The following ITGAD variants were observed in gnomAD, a reference collection of about 807,000 sequenced individuals.
ITGAD encodes integrin alpha-D.
A neutral mutation model predicts 139.0 loss-of-function variants in ITGAD; 105 were observed. The observed-to-expected ratio is 0.76, with a 90% CI of 0.65 to 0.89. The LOEUF is 0.89. Ranked by LOEUF, ITGAD falls within the 40% of genes least tolerant of loss-of-function variation. The pLI is 0.00. For synonymous variants in ITGAD, 569 were observed against 598.3 expected, an observed-to-expected ratio of 0.95 and a Z score of 0.71; for missense variants, 1,384 against 1,487.3, an observed-to-expected ratio of 0.93 and a Z score of 1.14.
chr16:31,415,024 T>A, intron 18 of ITGAD, 33 bp downstream of exon 18: 1 of 1,612,150 alleles, frequency 6.2e-7, no homozygotes, highest in East Asian at 2.2e-5. Flanking sequence ...AGGGATGTGC[T>A]GACTTCATTT....
intron 6 of ITGAD, 35 bp downstream of exon 6, chr16:31,402,280 G>A (rs2081426942): frequency 2.2e-6 from 3 of 1,367,210 alleles, no homozygotes; most frequent in Non-Finnish European, 3.1e-6. Flanking sequence ...GGGTTTGGGG[G>A]ACGGGGGAGG....
At chr16:31,401,297 A>G (rs562528428) in intron 5 of ITGAD, among the ~76,000 whole-genome samples, 2 of 152,290 alleles carry the variant, frequency 1.3e-5, no homozygotes, top group South Asian at 4.1e-4. Flanking sequence ...GCCTCAGCCA[A>G]TGCCTGGGGG....
rs757983809 is a variant in ITGAD, at chr16:31,402,167, C to T, written c.480C>T (p.Ser160=). The T allele has an allele frequency of 1.1e-5, 17 of 1,609,444 alleles. No individual in the cohort carries two copies. Among genetic ancestry groups the T allele is most frequent in the Non-Finnish European group, 1.4e-5 (17 of 1,176,836 alleles). ...TCTTCCTGATTGACGGCTCTGGAAG[C>T]ATTGACCAAAATGACTTTAACCAGA... ...DIVFLIDGSG[S]IDQNDFNQMK... Residue 160 remains serine, a synonymous_variant, in exon 6 of 30, where the codon AGC becomes AGT. Transcript: ENST00000389202.
rs756498567 is a variant in ITGAD at position 31,423,609 on chromosome 16, T to C, written c.3006T>C (p.His1002=). Residue 1002 remains histidine (H), a synonymous_variant, in exon 26 of 30, where the codon CAT becomes CAC. Transcript: ENST00000389202. The part of the protein sequence containing the change: ...PCVSERKPPQ[H]SDFLTQISRS... ...TTTCAGAGAGAAAACCTCCCCAGCA[T>C]TCTGACTTCCTGACCCAGATTTCAA... 2 of 1,614,154 alleles carry C rather than the reference T, an allele frequency of 1.2e-6. No individual in the cohort carries two copies. The highest frequency in any genetic ancestry group is 2.2e-5 in the South Asian group (2 of 91,088).
intron 20 of ITGAD, among the ~76,000 whole-genome samples, chr16:31,417,209 A>AATAT (rs1293300098): frequency 1.3e-5 from 1 of 78,576 alleles, no homozygotes; most frequent in Non-Finnish European, 2.8e-5. Flanking sequence ...ACGCCCAGCT[A>AATAT]ATATTTATTT....
At chr16:31,414,238 A>G (rs374248082) in intron 16 of ITGAD, among the ~76,000 whole-genome samples, 41 of 99,588 alleles carry the variant, frequency 4.1e-4, no homozygotes, top group African/African-American at 1.6e-3. Flanking sequence ...CTATTTATCT[A>G]TTATCTAGCC....
At position 31,409,342 on chromosome 16, in the gene ITGAD, A is replaced by AC. The variant is rs749174872; in HGVS notation, c.1083+844_1083+845insC. On this transcript the variant is annotated intron_variant, in intron 10 of 29. Transcript: ENST00000389202. ...CAAAAACAAAACAAAACAAAGCAAA[A>AC]AAAAACAAAAACAAACCCAGATGGG... Among the ~76,000 whole-genome samples the AC allele has an allele frequency of 3.4e-5, 5 of 146,720 alleles. No homozygotes were observed. In the East Asian group the frequency reaches 8.2e-4, roughly 24 times the overall value.
chr16:31,426,152 T>G lies in ITGAD; in HGVS notation c.*24T>G. On this transcript the variant is annotated 3_prime_UTR_variant, in exon 30 of 30. Coordinates refer to ENST00000389202, the MANE Select transcript of ITGAD (RefSeq NM_005353.3). ...AATAATCCACTTTCCTGTTTATCTC[T>G]ACCACTGTGGGCTGGACTTGCTTGC... The G allele has an allele frequency of 1.8e-5, 27 of 1,462,306 alleles. No homozygotes were observed. Among genetic ancestry groups the G allele is most frequent in the Non-Finnish European group, 2.5e-5 (26 of 1,044,668 alleles). 90.6% of individuals were successfully genotyped at this position (1,462,306 alleles called of 1,614,324 possible).
intron 2 of ITGAD, among the ~76,000 whole-genome samples, chr16:31,397,062 GTTTTTTTTTT>G (rs539015704): frequency 6.9e-5 from 7 of 100,822 alleles, no homozygotes; most frequent in African/African-American, 9.8e-5. Flanking sequence ...CTTTAAATAG[GTTTTTTTTTT>G]TTTTTTTTTT....
At chr16:31,419,023 CAAA>C (rs34885660) in intron 23 of ITGAD, among the ~76,000 whole-genome samples, 2 of 89,968 alleles carry the variant, frequency 2.2e-5, no homozygotes. Flanking sequence ...GACTCTGTCT[CAAA>C]AAAAAAAAAA....
chr16:31,397,350 T>G lies in ITGAD; in HGVS notation c.138-9T>G. On this transcript the variant is annotated splice_polypyrimidine_tract_variant and intron_variant, in intron 2 of 29. Transcript: ENST00000389202. ...GGCTGCAGTGACATGGCCATGGTTG[T>G]GTCTCCAGACTCGTGGTGGGAGCAC... The G allele has an allele frequency of 6.3e-7, 1 of 1,577,172 alleles. No homozygotes were observed. Among genetic ancestry groups the G allele is most frequent in the Non-Finnish European group, 8.6e-7 (1 of 1,158,658 alleles).
rs373740863 is a variant in ITGAD at position 31,414,536 on chromosome 16, C to G, written c.2082C>G (p.Asn694Lys). The G allele has an allele frequency of 5.0e-6, 8 of 1,614,092 alleles. No individual in the cohort carries two copies. Among genetic ancestry groups the G allele is most frequent in the Non-Finnish European group, 5.9e-6 (7 of 1,180,046 alleles). The stretch of plus-strand genomic sequence containing the variant: ...GTGCCATTTTCAATGAAACCAAGAA[C>G]CCCACTTTGACTCGAAGAAAAACCC... Reference protein sequence around the residue: ...TSRAIFNETKNPTLTRRKTLG... With the variant: ...TSRAIFNETKKPTLTRRKTLG... Residue 694 changes from asparagine (N) to lysine (K), a missense_variant, in exon 17 of 30, where the codon AAC becomes AAG. Coordinates refer to ENST00000389202, the MANE Select transcript of ITGAD (RefSeq NM_005353.3).
At chr16:31,423,278 G>A (rs1026386278) in intron 24 of ITGAD, 74 bp from the exon 25 acceptor site, 5 of 1,579,086 alleles carry the variant, frequency 3.2e-6, no homozygotes, top group South Asian at 1.1e-5. Context: ...GGAGCCTTGG[G>A]GTAGGGCCAG....
intron 7 of ITGAD, among the ~76,000 whole-genome samples, chr16:31,405,132 C>T (rs75986155): frequency 4.0e-4 from 61 of 152,098 alleles, no homozygotes; most frequent in African/African-American, 1.2e-3. Context: ...ACTACAGGCC[C>T]GCACCACCAC....
At chr16:31,419,124 C>T (rs1421836355) in intron 23 of ITGAD, among the ~76,000 whole-genome samples, 1 of 148,920 alleles carries the variant, frequency 6.7e-6, no homozygotes, top group Non-Finnish European at 1.5e-5. Context: ...ACCTGGGAGG[C>T]GGAGGTTGCA....
chr16:31,395,730 G>A (rs905732570), intron 2 of ITGAD, among the ~76,000 whole-genome samples: 94 of 152,160 alleles, frequency 6.2e-4, no homozygotes, highest in Non-Finnish European at 1.1e-3. Context: ...TGTGACACAG[G>A]TGTCACCAAG....
Position 31,416,231 on chromosome 16 carries a change from T to A in ITGAD, c.2302T>A (p.Cys768Ser), listed in dbSNP as rs1449587798. ...GCTGCAGCTCCCCTTCGAGAAGAAC[T>A]GTGGGCAAGATGGCCTCTGTGAAGG... ...FTASLPFEKNCGQDGLCEGDL... is the reference protein window; with the variant it reads ...FTASLPFEKNSGQDGLCEGDL... The change falls in exon 19 of 30, where the codon TGT (cysteine) becomes AGT (serine). Residue 768 changes from cysteine to serine, a missense_variant. Cys to Ser is a moderately radical substitution (Grantham distance 112, BLOSUM62 -1). Transcript: ENST00000389202. 6.2e-7 allele frequency: 1 copy of A among 1,607,124 alleles called. No individual in the cohort carries two copies. Among genetic ancestry groups the A allele is most frequent in the Non-Finnish European group, 8.5e-7 (1 of 1,175,826 alleles).
At position 31,424,456 on chromosome 16, in the gene ITGAD, C is replaced by G. The variant is rs765127778; in HGVS notation, c.3262-11C>G. The G allele has an allele frequency of 4.1e-5, 65 of 1,599,016 alleles. No homozygotes were observed. The Admixed American group carries it at 1.0e-3, about 25-fold the overall frequency. On this transcript the variant is annotated splice_polypyrimidine_tract_variant and intron_variant, in intron 28 of 29. Transcript: ENST00000389202. ...GGCATGAGGCCGGATGCTCTCTGAT[C>G]TCTAAATCAGATGGAGATGGTGCTA...
At position 31,403,420 on chromosome 16, in the gene ITGAD, AC is replaced by A; in HGVS notation, c.559-77del. The stretch of plus-strand genomic sequence containing the variant: ...TCACTTGAGGCCAGGAGTTTGAGAG[AC>A]CCTGTCTCTACAAAAAATTAAAATA... On this transcript the variant is annotated intron_variant, in intron 6 of 29. Transcript: ENST00000389202. This position sits in a 1 kb window ranked among gnomAD's most constrained non-coding sequence, Gnocchi z 4.4. 6.5e-7 allele frequency: 1 copy of A among 1,549,414 alleles called. No individual in the cohort carries two copies. Among genetic ancestry groups the A allele is most frequent in the Non-Finnish European group, 8.8e-7 (1 of 1,133,250 alleles).
Sources: allele counts gnomAD v4.1 joint callset (sites outside exome capture counted in the v4.1 genomes callset), GRCh38; gene constraint gnomAD v4.1.1; non-coding constraint Gnocchi (gnomAD v3.1); transcripts MANE v1.5; gene names NCBI Gene and HGNC (gene_info 2026-07-23, HGNC 2026-07-21).